GCSAML: variants seen among roughly 807,000 people sequenced by gnomAD.
GCSAML encodes germinal center-associated signaling and motility-like protein.
Under a neutral mutation model 13.0 loss-of-function variants are expected in GCSAML, and 9 were observed. The observed-to-expected ratio is 0.69, with a 90% CI of 0.42 to 1.21. The LOEUF (loss-of-function observed/expected upper bound fraction) is 1.21, where lower values mean the gene tolerates loss of function less well. GCSAML is among the 50% of genes most tolerant of loss of function. The probability of loss-of-function intolerance (pLI) is 0.00; values close to 1 mark genes in which losing one functional copy is unlikely to be tolerated. For synonymous variants in GCSAML, 37 were observed against 52.9 expected (o/e 0.70, Z 1.31); for missense variants, 143 against 153.4 (o/e 0.93, Z 0.36).
In GCSAML at chr1:247,576,549, A is replaced by G. The variant is rs977685704; in HGVS notation, c.*2167A>G. On this transcript the variant is annotated 3_prime_UTR_variant, in exon 5 of 5. Transcript: ENST00000366488. ...AACAGAGTGAGACCCTGTCTCAAAA[A>G]AAAAAAAAGTTTCAGATTTTGGAGC... The G allele has an allele frequency of 2.0e-5, 3 of 152,546 alleles. No individual in the cohort carries two copies. Among genetic ancestry groups the G allele is most frequent in the Non-Finnish European group, 4.4e-5 (3 of 68,384 alleles). 9.4% of individuals were successfully genotyped at this position (152,546 alleles called of 1,614,324 possible).
rs1668879487 is a variant in GCSAML, at chr1:247,577,505, A to G, written c.*3123A>G. 6.6e-6 allele frequency: 1 copy of G among 152,158 alleles called. No homozygotes were observed. Among genetic ancestry groups the G allele is most frequent in the Non-Finnish European group, 1.5e-5 (1 of 68,032 alleles). 9.4% of individuals were successfully genotyped at this position (152,158 alleles called of 1,614,324 possible). ...TGTAAGGCTTCTTTTAGTCATTATAATATTTTTGAGATTCATCTATGTTTA... is the reference window on the plus strand; with the variant it reads ...TGTAAGGCTTCTTTTAGTCATTATAGTATTTTTGAGATTCATCTATGTTTA... On this transcript the variant is annotated 3_prime_UTR_variant, in exon 5 of 5. Coordinates refer to ENST00000366488, the MANE Select transcript of GCSAML (RefSeq NM_145278.5).
At chr1:247,559,080 T>C (rs766860306) in intron 2 of GCSAML, among the ~76,000 whole-genome samples, 2 of 152,210 alleles carry the variant, frequency 1.3e-5, no homozygotes, top group Non-Finnish European at 2.9e-5. Flanking sequence ...AAGAAATCAC[T>C]GCCTATTTCA....
intron 4 of GCSAML, among the ~76,000 whole-genome samples, chr1:247,570,519 G>A (rs750921556): frequency 1.2e-4 from 18 of 152,138 alleles, no homozygotes; most frequent in Non-Finnish European, 2.2e-4. Flanking sequence ...TTGCGGTTTT[G>A]AGTGAGTTTC....
At chr1:247,545,278 G>A (rs532877271), upstream of GCSAML, among the ~76,000 whole-genome samples, 1 of 152,320 alleles carries the variant, frequency 6.6e-6, no homozygotes, top group East Asian at 1.9e-4. Context: ...GACTGACTGA[G>A]ACAAGATCTC....
At chr1:247,521,785 C>T (rs951909952) in intron 1 of GCSAML, among the ~76,000 whole-genome samples, 1 of 152,086 alleles carries the variant, frequency 6.6e-6, no homozygotes, top group Non-Finnish European at 1.5e-5. Flanking sequence ...AGATTGCAGC[C>T]TCTGCCTGGC....
intron 1 of GCSAML, among the ~76,000 whole-genome samples, chr1:247,513,581 A>G (rs1014418353): frequency 2.6e-5 from 4 of 152,216 alleles, no homozygotes; most frequent in African/African-American, 9.6e-5. Flanking sequence ...CAGCTAGCTC[A>G]GTGTCTGCCC....
In GCSAML at chr1:247,576,715, C is replaced by G. The variant is rs1164221371; in HGVS notation, c.*2333C>G. On this transcript the variant is annotated 3_prime_UTR_variant, in exon 5 of 5. Coordinates refer to ENST00000366488, the MANE Select transcript of GCSAML (RefSeq NM_145278.5). ...TCTATTCAACGAATTCTTATGCCCT[C>G]TTGTGGTGATTTTAATGTGCGGAAG... is the stretch of plus-strand genomic sequence containing the variant. The G allele has an allele frequency of 6.6e-6, 1 of 152,054 alleles. No individual in the cohort carries two copies. 9.4% of individuals were successfully genotyped at this position (152,054 alleles called of 1,614,324 possible).
At chr1:247,569,486 C>G (rs1379675379) in intron 4 of GCSAML, among the ~76,000 whole-genome samples, 1 of 152,096 alleles carries the variant, frequency 6.6e-6, no homozygotes, top group Non-Finnish European at 1.5e-5. Context: ...GTCATTGGTT[C>G]TTTCTGTTTA....
upstream of GCSAML, among the ~76,000 whole-genome samples, chr1:247,545,940 G>GT (rs1667553181): frequency 9.5e-6 from 1 of 104,958 alleles, no homozygotes. Context: ...CATGTTAATT[G>GT]TTCTTACTAC....
At position 247,526,817 on chromosome 1, in the gene GCSAML, A is replaced by G. The variant is rs1327677816; in HGVS notation, c.-262-123A>G. 2.7e-6 allele frequency: 1 copy of G among 364,136 alleles called. No homozygotes were observed. Among genetic ancestry groups the G allele is most frequent in the African/African-American group, 2.1e-5 (1 of 46,878 alleles). 22.6% of individuals were successfully genotyped at this position (364,136 alleles called of 1,614,324 possible). A position where few individuals can be genotyped will look rare whatever the true frequency, so the allele number is the denominator to read the frequency against. Reference sequence around the variant, plus strand: ...ATATTCGGCTGAAAAGGGACCTGGCATCGAAAGACAAGTGGTGTCCAATAT... The same window carrying G: ...ATATTCGGCTGAAAAGGGACCTGGCGTCGAAAGACAAGTGGTGTCCAATAT... On this transcript the variant is annotated intron_variant, in intron 1 of 5. Coordinates refer to the GCSAML transcript ENST00000366489. This position sits in a 1 kb window ranked among gnomAD's most constrained non-coding sequence, Gnocchi z 4.8.
At chr1:247,557,768 T>A (rs1448543418) in intron 2 of GCSAML, among the ~76,000 whole-genome samples, 3 of 152,198 alleles carry the variant, frequency 2.0e-5, no homozygotes, top group East Asian at 3.9e-4. Flanking sequence ...ACTCCCCTTA[T>A]GGTTTGTAGC....
At chr1:247,563,691 C>A in intron 3 of GCSAML, 52 bp downstream of exon 3, 2 of 1,028,074 alleles carry the variant, frequency 1.9e-6, no homozygotes, top group Non-Finnish European at 3.0e-6. Flanking sequence ...CAAATTTAAG[C>A]ATCCAATTAG....
chr1:247,556,410 C>T lies in GCSAML; in HGVS notation c.33C>T (p.Cys11=). 1.2e-6 allele frequency: 2 copies of T among 1,608,252 alleles called. No individual in the cohort carries two copies. ...TTTCTTATGTGTTTCCATATAGTTGCCTGGGAGAGAATCAAAAGAAGCCCA... is the reference window on the plus strand; with the variant it reads ...TTTCTTATGTGTTTCCATATAGTTGTCTGGGAGAGAATCAAAAGAAGCCCA... The part of the protein sequence containing the change: MGNYLLRKLS[C]LGENQKKPKK... The change falls in exon 2 of 5, where the codon TGC becomes TGT. Residue 11 remains cysteine (C), a synonymous_variant. Transcript: ENST00000366488.
intron 1 of GCSAML, among the ~76,000 whole-genome samples, chr1:247,513,778 C>T (rs975805466): frequency 1.3e-5 from 2 of 152,162 alleles, no homozygotes; most frequent in Non-Finnish European, 2.9e-5. Flanking sequence ...CTTCCCTGAC[C>T]CTTTGCGCTT....
rs188949980 is a variant in GCSAML at position 247,514,919 on chromosome 1, C to T, written c.-263+7686C>T. On this transcript the variant is annotated intron_variant, in intron 1 of 5. Transcript: ENST00000366489. ...AATGCCTCCAGATTTGTTCTTTTTG[C>T]TTAGTCTTGCTTTGGCTATGTGGGC... Among the ~76,000 whole-genome samples the T allele has an allele frequency of 2.0e-5, 3 of 152,190 alleles. No homozygotes were observed. In the East Asian group the frequency reaches 5.8e-4, roughly 29 times the overall value.
chr1:247,513,448 T>C (rs962687107), intron 1 of GCSAML, among the ~76,000 whole-genome samples: 1 of 152,220 alleles, frequency 6.6e-6, no homozygotes, highest in African/African-American at 2.4e-5. Flanking sequence ...CTGGGTTCCA[T>C]GGGAGTCAGA....
At chr1:247,546,937 A>T (rs1034304079), upstream of GCSAML, among the ~76,000 whole-genome samples, 8 of 119,130 alleles carry the variant, frequency 6.7e-5, no homozygotes, top group Non-Finnish European at 1.3e-4. Flanking sequence ...TAAAATTAAA[A>T]AAAAAAAAAA....
chr1:247,511,416 C>T lies in GCSAML; in HGVS notation c.-263+4183C>T, dbSNP rs141058774. ...TTTTGAGCTTATGTGTGTCTTTGCA[C>T]GTGAGATGGGTCTCCTGAATATAGC... On this transcript the variant is annotated intron_variant, in intron 1 of 5. Transcript: ENST00000366489. Among the ~76,000 whole-genome samples the T allele has an allele frequency of 2.9e-3, 437 of 152,160 alleles. 3 individuals carry two copies. The highest frequency in any genetic ancestry group is 0.01 in the African/African-American group (418 of 41,504).
chr1:247,550,866 A>C (rs1667755769), intron 1 of GCSAML, among the ~76,000 whole-genome samples: 1 of 152,206 alleles, frequency 6.6e-6, no homozygotes, highest in Non-Finnish European at 1.5e-5. Flanking sequence ...GCAAGAAAAA[A>C]TTAAACATGG....
Sources: allele counts gnomAD v4.1 joint callset (sites outside exome capture counted in the v4.1 genomes callset), GRCh38; gene constraint gnomAD v4.1.1; non-coding constraint Gnocchi (gnomAD v3.1); transcripts MANE v1.5; gene names NCBI Gene and HGNC (gene_info 2026-07-23, HGNC 2026-07-21).